Variants in DDR1 observed in about 807,000 individuals in gnomAD.
DDR1 encodes epithelial discoidin domain-containing receptor 1.
A neutral mutation model predicts 97.4 loss-of-function variants in DDR1; 64 were observed. The ratio of observed to expected loss-of-function variants is 0.66; its 90% CI spans 0.54 to 0.81. The LOEUF (loss-of-function observed/expected upper bound fraction) is 0.81, where lower values mean the gene tolerates loss of function less well. Ranked by LOEUF, DDR1 falls within the 30% of genes least tolerant of loss-of-function variation. The probability of loss-of-function intolerance (pLI) is 0.00; values close to 1 mark genes in which losing one functional copy is unlikely to be tolerated. For synonymous variants in DDR1, 458 were observed against 503.7 expected (o/e 0.91, Z 1.21); for missense variants, 990 against 1,259.6 (o/e 0.79, Z 3.24).
intron 1 of DDR1, chr6:30,885,204 G>A: frequency 6.5e-7 from 1 of 1,533,536 alleles, no homozygotes; most frequent in South Asian, 1.2e-5. Flanking sequence ...TGGTCAATTA[G>A]CTCTGGCATG....
chr6:30,884,570 C>A lies in DDR1; in HGVS notation c.-183C>A, dbSNP rs371013749. 0.013 allele frequency: 1,924 copies of A among 152,238 alleles called. 96 individuals are homozygous for A. The East Asian group carries it at 0.17, about 14-fold the overall frequency. 9.4% of individuals were successfully genotyped at this position (152,238 alleles called of 1,614,324 possible). ...ACAGCTGCTCTCGGGAGCCGCCTCC[C>A]GACACCCGAGCCCCGCCGGCGCCTC... On this transcript the variant is annotated 5_prime_UTR_variant, in exon 1 of 18. Coordinates refer to ENST00000376568, the MANE Select transcript of DDR1 (RefSeq NM_001297654.2). This position sits in a 1 kb window ranked among gnomAD's most constrained non-coding sequence, Gnocchi z 6.1.
At chr6:30,893,465 G>C in intron 10 of DDR1, 42 bp downstream of exon 10, 2 of 1,573,826 alleles carry the variant, frequency 1.3e-6, no homozygotes, top group Non-Finnish European at 1.7e-6. Flanking sequence ...GGGGAGGCCA[G>C]GCCCCAGCAC....
Position 30,892,087 on chromosome 6 carries a change from C to T in DDR1, c.751C>T (p.Pro251Ser). The change falls in exon 7 of 18, where the codon CCA (proline) becomes TCA (serine). Residue 251 changes from proline to serine, a missense_variant. Transcript: ENST00000376568. ...FRKSQELRVW[P>S]GYDYVGWSNH... ...GAAGAGTCAGGAGCTGCGGGTCTGG[C>T]CAGGCTATGACTATGTGGGATGGAG... The T allele has an allele frequency of 6.2e-7, 1 of 1,614,126 alleles. No individual in the cohort carries two copies. Among genetic ancestry groups the T allele is most frequent in the African/African-American group, 1.3e-5 (1 of 75,014 alleles).
chr6:30,891,860 T>G lies in DDR1; in HGVS notation c.666-142T>G. On this transcript the variant is annotated intron_variant, in intron 6 of 17. Transcript: ENST00000376568. This position sits in a 1 kb window ranked among gnomAD's most constrained non-coding sequence, Gnocchi z 5.3. Reference sequence around the variant, plus strand: ...AGAGGAGAAGGGCCAGCTGCATGAGTGTGAGGTGGGATGGGAATGGGACTA... The same window carrying G: ...AGAGGAGAAGGGCCAGCTGCATGAGGGTGAGGTGGGATGGGAATGGGACTA... 1 of 875,666 alleles carries G rather than the reference T, an allele frequency of 1.1e-6. No homozygotes were observed. The highest frequency in any genetic ancestry group is 2.0e-5 in the Admixed American group (1 of 50,346). The allele number at this position is 875,666 out of a possible 1,614,324, so 54.2% of individuals were successfully genotyped here. A position where few individuals can be genotyped will look rare whatever the true frequency, so the allele number is the denominator to read the frequency against.
In DDR1 at chr6:30,899,613, A is replaced by G. The variant is rs1792236328; in HGVS notation, c.*317A>G. On this transcript the variant is annotated 3_prime_UTR_variant, in exon 18 of 18. Coordinates refer to ENST00000376568, the MANE Select transcript of DDR1 (RefSeq NM_001297654.2). ...GGGGAAGGGTGGGGAGAAATATAGG[A>G]TAGACACTGGACATGGCCCATTGGA... 1 of 467,172 alleles carries G rather than the reference A, an allele frequency of 2.1e-6. No homozygotes were observed. Among genetic ancestry groups the G allele is most frequent in the Non-Finnish European group, 3.8e-6 (1 of 260,820 alleles). 28.9% of individuals were successfully genotyped at this position (467,172 alleles called of 1,614,324 possible).
chr6:30,895,792 A>G (rs1790543475), intron 12 of DDR1, among the ~76,000 whole-genome samples: 1 of 152,144 alleles, frequency 6.6e-6, no homozygotes, highest in Non-Finnish European at 1.5e-5. Flanking sequence ...AGAGCTAGAC[A>G]GGAGGTTGCT....
rs1788478801 is a variant in DDR1 at position 30,891,807 on chromosome 6, G to A, written c.666-195G>A. Among the ~76,000 whole-genome samples, 1 of 152,128 alleles carries A rather than the reference G, an allele frequency of 6.6e-6. No individual in the cohort carries two copies. Among genetic ancestry groups the A allele is most frequent in the African/African-American group, 2.4e-5 (1 of 41,406 alleles). ...CTTTGTGCTGGATGTGACCTGCAAG[G>A]TACCTGTAGTGCTGGGGTGGGGTGG... On this transcript the variant is annotated intron_variant, in intron 6 of 17. Coordinates refer to ENST00000376568, the MANE Select transcript of DDR1 (RefSeq NM_001297654.2). This position sits in a 1 kb window ranked among gnomAD's most constrained non-coding sequence, Gnocchi z 5.3.
rs1389656490 is a variant in DDR1 at position 30,886,589 on chromosome 6, G to A, written c.-43+1879G>A. 1 of 152,282 alleles carries A rather than the reference G, an allele frequency of 6.6e-6. No homozygotes were observed. The highest frequency in any genetic ancestry group is 1.5e-5 in the Non-Finnish European group (1 of 68,092). 9.4% of individuals were successfully genotyped at this position (152,282 alleles called of 1,614,324 possible). The stretch of plus-strand genomic sequence containing the variant: ...ATCCCCCACTCCTCCTACCTCCTGG[G>A]GTGACCTGCCTTCCTTGTCTTTAGA... On this transcript the variant is annotated intron_variant, in intron 1 of 17. Transcript: ENST00000376568. This position sits in a 1 kb window ranked among gnomAD's most constrained non-coding sequence, Gnocchi z 4.6.
Position 30,898,989 on chromosome 6 carries a change from G to A in DDR1, c.2553G>A (p.Glu851=), listed in dbSNP as rs1461930931. 6.2e-7 allele frequency: 1 copy of A among 1,614,220 alleles called. No individual in the cohort carries two copies. The highest frequency in any genetic ancestry group is 1.3e-5 in the African/African-American group (1 of 75,060). Residue 851 remains glutamate (E), a synonymous_variant, in exon 17 of 18, where the codon GAG becomes GAA. Coordinates refer to ENST00000376568, the MANE Select transcript of DDR1 (RefSeq NM_001297654.2). ...RAQPFGQLTD[E]QVIENAGEFF... ...AGCCCTTTGGGCAGCTCACCGACGA[G>A]CAGGTCATCGAGAACGCGGGGGAGT...
At chr6:30,885,380 T>C in intron 1 of DDR1, 1 of 999,880 alleles carries the variant, frequency 1.0e-6, no homozygotes, top group Non-Finnish European at 1.5e-6. Flanking sequence ...AGTGGTGTGG[T>C]GGAGACAGGT....
intron 8 of DDR1, 89 bp from the exon 9 acceptor site, chr6:30,892,979 G>A: frequency 1.7e-6 from 2 of 1,153,814 alleles, no homozygotes; most frequent in Non-Finnish European, 1.3e-6. Context: ...CCATGCTTCT[G>A]CTCCTTTGCA....
chr6:30,897,275 TG>T lies in DDR1; in HGVS notation c.1998-100del. On this transcript the variant is annotated intron_variant, in intron 14 of 17. Transcript: ENST00000376568. This position sits in a 1 kb window ranked among gnomAD's most constrained non-coding sequence, Gnocchi z 5.2. ...AGGGGATTTACATGTACGCTGGGGG[TG>T]GGGACGCCTGGTCTGCCTGAGGTGG... The T allele has an allele frequency of 2.5e-6, 2 of 810,688 alleles. No individual in the cohort carries two copies. Among genetic ancestry groups the T allele is most frequent in the Non-Finnish European group, 3.2e-6 (2 of 634,466 alleles). 50.2% of individuals were successfully genotyped at this position (810,688 alleles called of 1,614,324 possible). A position where few individuals can be genotyped will look rare whatever the true frequency, so the allele number is the denominator to read the frequency against.
In DDR1 at chr6:30,899,189, G is replaced by T; in HGVS notation, c.2635G>T (p.Gly879Cys). The change falls in exon 18 of 18, where the codon GGC becomes TGC. Residue 879 changes from glycine (G) to cysteine (C), a missense_variant. Physicochemically the swap from Gly to Cys is radical, Grantham distance 159. Transcript: ENST00000376568. ...GTCCCGGCCGCCTGCCTGCCCGCAG[G>T]GCCTATATGAGCTGATGCTTCGGTG... ...YLSRPPACPQ[G>C]LYELMLRCWS... The T allele has an allele frequency of 2.5e-6, 4 of 1,614,218 alleles. No homozygotes were observed. Among genetic ancestry groups the T allele is most frequent in the Non-Finnish European group, 3.4e-6 (4 of 1,180,034 alleles).
At position 30,884,872 on chromosome 6, in the gene DDR1, C is replaced by G. The variant is rs1398125936; in HGVS notation, c.-43+162C>G. 2 of 339,258 alleles carry G rather than the reference C, an allele frequency of 5.9e-6. No individual in the cohort carries two copies. The highest frequency in any genetic ancestry group is 1.1e-5 in the Non-Finnish European group (2 of 186,850). 21.0% of individuals were successfully genotyped at this position (339,258 alleles called of 1,614,324 possible). A position where few individuals can be genotyped will look rare whatever the true frequency, so the allele number is the denominator to read the frequency against. On this transcript the variant is annotated intron_variant, in intron 1 of 17. Coordinates refer to ENST00000376568, the MANE Select transcript of DDR1 (RefSeq NM_001297654.2). The surrounding 1 kb of genome is among the most constrained non-coding windows in gnomAD (Gnocchi z 6.1). ...CCTCCCTGCCCGCCTCCCCGATGCTCTGGCATACCGTCTGAAAACCGGGGG... is the reference window on the plus strand; with the variant it reads ...CCTCCCTGCCCGCCTCCCCGATGCTGTGGCATACCGTCTGAAAACCGGGGG...
chr6:30,887,187 C>G (rs1021677797), intron 1 of DDR1: 1 of 152,190 alleles, frequency 6.6e-6, no homozygotes, highest in African/African-American at 2.4e-5. Flanking sequence ...GGGAGGGCAG[C>G]AGGGTGAGCT....
At position 30,898,283 on chromosome 6, in the gene DDR1, G is replaced by A; in HGVS notation, c.2427G>A (p.Trp809Ter). 1 of 1,613,960 alleles carries A rather than the reference G, an allele frequency of 6.2e-7. No individual in the cohort carries two copies. Among genetic ancestry groups the A allele is most frequent in the African/African-American group, 1.3e-5 (1 of 75,060 alleles). ...GCCGGGCAGTGCTGCCCATCCGCTG[G>A]ATGGCCTGGGAGTGCATCCTCATGG... is the stretch of plus-strand genomic sequence containing the variant. ...VQGRAVLPIR[W>*]MAWECILMGK... The change falls in exon 16 of 18, where the codon TGG (tryptophan) becomes TGA (stop). Residue 809 changes from tryptophan to a stop codon, truncating the protein, a stop_gained. Transcript: ENST00000376568. LOFTEE classifies it high-confidence loss of function.
In DDR1 at chr6:30,891,153, C is replaced by T. The variant is rs1276880192; in HGVS notation, c.565+33C>T. ...GCTCAGCTTCCTGGGAATCTGTTTC[C>T]TGAGCAGGGGACTGGAGGGTGGGGA... On this transcript the variant is annotated intron_variant, in intron 5 of 17. Coordinates refer to ENST00000376568, the MANE Select transcript of DDR1 (RefSeq NM_001297654.2). The surrounding 1 kb of genome is among the most constrained non-coding windows in gnomAD (Gnocchi z 5.3). 13 of 1,611,590 alleles carry T rather than the reference C, an allele frequency of 8.1e-6. No individual in the cohort carries two copies. Among genetic ancestry groups the T allele is most frequent in the Non-Finnish European group, 1.1e-5 (13 of 1,179,716 alleles).
chr6:30,896,251 G>C (rs1266534594), intron 12 of DDR1, among the ~76,000 whole-genome samples: 1 of 151,892 alleles, frequency 6.6e-6, no homozygotes, highest in Non-Finnish European at 1.5e-5. Context: ...TTGGAAGGTG[G>C]AGGGTGCCTG....
At chr6:30,885,453 A>G (rs1785441932) in intron 1 of DDR1, 1 of 857,466 alleles carries the variant, frequency 1.2e-6, no homozygotes, top group Non-Finnish European at 1.7e-6. Context: ...CTTCCCACCC[A>G]GCGCCCACCT....
Sources: gnomAD v4.1 joint callset for allele counts (sites outside exome capture counted in the v4.1 genomes callset) on GRCh38, gnomAD v4.1.1 for gene constraint, Gnocchi (gnomAD v3.1) non-coding constraint, MANE v1.5 for transcripts, NCBI Gene and HGNC (gene_info 2026-07-23, HGNC 2026-07-21) for gene names.